Variants in TNRC6B observed in about 807,000 individuals in gnomAD.
The protein encoded by TNRC6B is trinucleotide repeat containing adaptor 6B.
A neutral mutation model predicts 203.6 loss-of-function variants in TNRC6B; 52 were observed. That is an observed-to-expected ratio of 0.26 (90% CI 0.20 to 0.32). TNRC6B has a LOEUF of 0.32. Among genes scored for constraint, TNRC6B ranks in the 10% least tolerant of loss-of-function variants. The probability of loss-of-function intolerance (pLI) is 1.00; values close to 1 mark genes in which losing one functional copy is unlikely to be tolerated. For missense variants in TNRC6B, 1,923 were observed against 2,286.2 expected (o/e 0.84, Z 3.24); for synonymous variants, 838 against 845.7 (o/e 0.99, Z 0.16).
chr22:40,318,145 A>T (rs1291814466), intron 21 of TNRC6B, among the ~76,000 whole-genome samples: 2 of 152,048 alleles, frequency 1.3e-5, no homozygotes, highest in African/African-American at 4.8e-5. Context: ...AAATCACAGG[A>T]CTCGTATTTC....
chr22:40,116,295 T>TAC (rs1488750429), intron 1 of TNRC6B, among the ~76,000 whole-genome samples: 2 of 152,356 alleles, frequency 1.3e-5, no homozygotes, highest in East Asian at 3.9e-4. Context: ...TTTGAGCACC[T>TAC]ACACACACAT....
chr22:40,321,049 C>T (rs1222529331), intron 21 of TNRC6B, 41 bp from the exon 22 acceptor site: 1 of 1,607,798 alleles, frequency 6.2e-7, no homozygotes, highest in Non-Finnish European at 8.5e-7. Flanking sequence ...CTTTTCCACC[C>T]CACCTCCAGT....
chr22:40,278,646 C>T (rs1489168199), intron 9 of TNRC6B, among the ~76,000 whole-genome samples: 1 of 151,892 alleles, frequency 6.6e-6, no homozygotes, highest in African/African-American at 2.4e-5. Context: ...TTGCTCCTAG[C>T]AGTTGCTGCT....
At chr22:40,201,632 G>A (rs770565521) in intron 1 of TNRC6B, among the ~76,000 whole-genome samples, 6 of 151,664 alleles carry the variant, frequency 4.0e-5, no homozygotes, top group Non-Finnish European at 7.4e-5. Flanking sequence ...ACAGGGTCTC[G>A]CTGTGTTGCC....
At chr22:40,304,569 A>G (rs1376796755) in intron 15 of TNRC6B, among the ~76,000 whole-genome samples, 1 of 152,238 alleles carries the variant, frequency 6.6e-6, no homozygotes, top group Non-Finnish European at 1.5e-5. Context: ...GTTCCCATCT[A>G]CTTATTTATA....
intron 1 of TNRC6B, among the ~76,000 whole-genome samples, chr22:40,061,496 T>A (rs556436150): frequency 1.8e-4 from 28 of 152,102 alleles, no homozygotes; most frequent in Non-Finnish European, 1.3e-4. Context: ...GTGCTAGGAT[T>A]GCAGGTGTGA....
At chr22:40,095,254 T>G (rs2068178585) in intron 1 of TNRC6B, among the ~76,000 whole-genome samples, 1 of 152,178 alleles carries the variant, frequency 6.6e-6, no homozygotes. Flanking sequence ...AAATAAAGAT[T>G]TATTTTTTCC....
rs10534254 is a variant in TNRC6B, at chr22:40,331,645, ATTTTTTT to A, written c.*8423_*8429del. The stretch of plus-strand genomic sequence containing the variant: ...ACTGAATTTAAGAAGAGGTTGTTGG[ATTTTTTT>A]TTTTTTTTTTTTTTTTTTCAAAAAA... On this transcript the variant is annotated 3_prime_UTR_variant, in exon 23 of 23. Coordinates refer to ENST00000454349, the MANE Select transcript of TNRC6B (RefSeq NM_001162501.2). 2.5e-4 allele frequency: 33 copies of A among 133,232 alleles called. No individual in the cohort carries two copies. Among genetic ancestry groups the A allele is most frequent in the Non-Finnish European group, 2.7e-4 (21 of 77,244 alleles). 8.3% of individuals were successfully genotyped at this position (133,232 alleles called of 1,614,324 possible). A position where few individuals can be genotyped will look rare whatever the true frequency, so the allele number is the denominator to read the frequency against.
At chr22:40,047,960 A>C (rs1359054180) in intron 1 of TNRC6B, among the ~76,000 whole-genome samples, 1 of 152,218 alleles carries the variant, frequency 6.6e-6, no homozygotes, top group Non-Finnish European at 1.5e-5. Flanking sequence ...TGAATTGTGC[A>C]GTTTTAGTTT....
At chr22:40,104,124 G>C (rs1048503524) in intron 1 of TNRC6B, among the ~76,000 whole-genome samples, 3 of 151,996 alleles carry the variant, frequency 2.0e-5, no homozygotes, top group Non-Finnish European at 4.4e-5. Flanking sequence ...GGTGGCGGGT[G>C]CCTATAATCC....
intron 4 of TNRC6B, among the ~76,000 whole-genome samples, chr22:40,160,355 A>T (rs1351507383): frequency 6.6e-6 from 1 of 151,902 alleles, no homozygotes; most frequent in Non-Finnish European, 1.5e-5. Flanking sequence ...ACATGCCTAT[A>T]ATCCCAGCTA....
At chr22:40,170,791 G>GTATATATACATATA (rs2068979469) in intron 4 of TNRC6B, among the ~76,000 whole-genome samples, 1 of 61,206 alleles carries the variant, frequency 1.6e-5, no homozygotes, top group Non-Finnish European at 2.9e-5. Flanking sequence ...ACATATATGT[G>GTATATATACATATA]TGTATATATA....
intron 1 of TNRC6B, among the ~76,000 whole-genome samples, chr22:40,047,990 G>T (rs2067706400): frequency 6.6e-6 from 1 of 152,172 alleles, no homozygotes; most frequent in South Asian, 2.1e-4. Context: ...ATAAGAAAAT[G>T]ACTAGTTCAT....
At chr22:40,111,283 C>T (rs563287389) in intron 1 of TNRC6B, among the ~76,000 whole-genome samples, 3 of 152,070 alleles carry the variant, frequency 2.0e-5, no homozygotes, top group Admixed American at 1.3e-4. Flanking sequence ...GGCAGTGGGG[C>T]GAGCAGGGAC....
chr22:40,260,330 G>C (rs187534679), intron 3 of TNRC6B, among the ~76,000 whole-genome samples: 2 of 152,184 alleles, frequency 1.3e-5, no homozygotes, highest in African/African-American at 4.8e-5. Flanking sequence ...GATTTTCTAG[G>C]CCTGGAGTTT....
intron 1 of TNRC6B, among the ~76,000 whole-genome samples, chr22:40,067,718 C>A (rs1212382284): frequency 6.6e-6 from 1 of 152,112 alleles, no homozygotes; most frequent in East Asian, 1.9e-4. Context: ...GGAATCCCAT[C>A]CTGGAAGAGA....
At chr22:40,202,156 G>C (rs759854826) in intron 1 of TNRC6B, among the ~76,000 whole-genome samples, 2 of 151,886 alleles carry the variant, frequency 1.3e-5, no homozygotes, top group Non-Finnish European at 2.9e-5. Flanking sequence ...TTCTAGTTGA[G>C]TTAAAGTCAT....
chr22:40,284,516 G>A (rs894284601), intron 11 of TNRC6B, among the ~76,000 whole-genome samples: 32 of 152,128 alleles, frequency 2.1e-4, no homozygotes, highest in African/African-American at 7.5e-4. Context: ...GACATTTTCC[G>A]GTGTGTGGAA....
chr22:40,198,478 G>A (rs1388072394), intron 1 of TNRC6B, among the ~76,000 whole-genome samples: 5 of 152,096 alleles, frequency 3.3e-5, no homozygotes, highest in African/African-American at 4.8e-5. Flanking sequence ...CAGAGCCTGA[G>A]TAGGATGAGG....
Sources: allele counts gnomAD v4.1 joint callset (sites outside exome capture counted in the v4.1 genomes callset), GRCh38; gene constraint gnomAD v4.1.1; transcripts MANE v1.5; gene names NCBI Gene and HGNC (gene_info 2026-07-23, HGNC 2026-07-21).